The following MICU1 variants were observed in gnomAD, a reference collection of about 807,000 sequenced individuals.
The protein encoded by MICU1 is calcium uptake protein 1, mitochondrial.
A neutral mutation model predicts 56.8 loss-of-function variants in MICU1; 45 were observed. The ratio of observed to expected loss-of-function variants is 0.79; its 90% CI spans 0.62 to 1.02. The LOEUF is 1.02. Ranked by LOEUF, MICU1 falls within the 50% of genes least tolerant of loss-of-function variation. The pLI is 0.00. For missense variants in MICU1, 504 were observed against 587.1 expected, an observed-to-expected ratio of 0.86 and a Z score of 1.46; for synonymous variants, 186 against 195.1, an observed-to-expected ratio of 0.95 and a Z score of 0.39.
chr10:72,406,268 TA>T (rs1207824686), intron 10 of MICU1, among the ~76,000 whole-genome samples: 6 of 152,180 alleles, frequency 3.9e-5, no homozygotes, highest in Admixed American at 3.9e-4. Context: ...GCACAAATTT[TA>T]AAAATATATG....
chr10:72,537,039 A>C (rs1839655198), intron 4 of MICU1, among the ~76,000 whole-genome samples: 1 of 152,198 alleles, frequency 6.6e-6, no homozygotes, highest in South Asian at 2.1e-4. Flanking sequence ...TTTATATTTT[A>C]TGCTCTTCAT....
chr10:72,467,310 A>C (rs1865825064), intron 8 of MICU1, among the ~76,000 whole-genome samples: 1 of 152,134 alleles, frequency 6.6e-6, no homozygotes, highest in African/African-American at 2.4e-5. Flanking sequence ...CAGCTTCCCA[A>C]GCAGCTGGGA....
intron 4 of MICU1, among the ~76,000 whole-genome samples, chr10:72,540,742 C>T (rs1183233702): frequency 6.6e-6 from 1 of 152,190 alleles, no homozygotes; most frequent in East Asian, 1.9e-4. Context: ...TACTTCCTTC[C>T]CACTGACCTC....
At chr10:72,462,287 G>A (rs1354250503) in intron 8 of MICU1, among the ~76,000 whole-genome samples, 2 of 150,642 alleles carry the variant, frequency 1.3e-5, no homozygotes, top group Non-Finnish European at 2.9e-5. Flanking sequence ...GGCAATCACA[G>A]CTCACTGTAG....
chr10:72,614,209 A>AT (rs202112016), intron 1 of MICU1, among the ~76,000 whole-genome samples: 1 of 151,302 alleles, frequency 6.6e-6, no homozygotes, highest in Non-Finnish European at 1.5e-5. Flanking sequence ...TATTACTTAA[A>AT]TTTTAAAAAA....
Position 72,407,956 on chromosome 10 carries a change from G to A in MICU1, c.1153C>T (p.His385Tyr). ...TTATCAAGAGATGCTCCAGCCATAT[G>A]GTAAAAACTCAATGCAGTGTCCACA... is the stretch of plus-strand genomic sequence containing the variant. ...NDVDTALSFY[H>Y]MAGASLDKVT... is the part of the protein sequence containing the mutation. Residue 385 changes from histidine to tyrosine, a missense_variant, in exon 10 of 12, where the codon CAT becomes TAT. Transcript: ENST00000361114. 6.2e-7 allele frequency: 1 copy of A among 1,612,986 alleles called. No homozygotes were observed. The highest frequency in any genetic ancestry group is 1.3e-5 in the African/African-American group (1 of 75,006).
chr10:72,566,830 G>A, intron 1 of MICU1, 36 bp from the exon 2 acceptor site: 4 of 1,555,230 alleles, frequency 2.6e-6, no homozygotes, highest in Non-Finnish European at 3.5e-6. Flanking sequence ...CTCTTAGCTA[G>A]TGGTAGTTAT....
chr10:72,382,403 C>T (rs1254958947), intron 10 of MICU1, among the ~76,000 whole-genome samples: 1 of 151,992 alleles, frequency 6.6e-6, no homozygotes, highest in East Asian at 1.9e-4. Context: ...TGAGCCACCG[C>T]GCCTGGCCTG....
chr10:72,569,659 G>A (rs574144596), intron 1 of MICU1, among the ~76,000 whole-genome samples: 1 of 152,262 alleles, frequency 6.6e-6, no homozygotes, highest in South Asian at 2.1e-4. Context: ...CCTCAGAATG[G>A]TGTAAAATTT....
chr10:72,586,051 G>T (rs1460742945), intron 1 of MICU1, among the ~76,000 whole-genome samples: 12 of 92,676 alleles, frequency 1.3e-4, no homozygotes, highest in Admixed American at 1.8e-4. Context: ...GTATCGCTCT[G>T]TTGCCTGGGC....
rs557335704 is a variant in MICU1, at chr10:72,609,666, G to A, written c.-2+16344C>T. On this transcript the variant is annotated intron_variant, in intron 1 of 11. Transcript: ENST00000361114. ...GGAGAATGGTGTGAACCCAGAAGGC[G>A]GAGCTTGTAGTGAGCCGAGATCGCG... 1.2e-3 allele frequency among the ~76,000 whole-genome samples: 180 copies of A among 151,386 alleles called. 1 individual carries two copies. The highest frequency in any genetic ancestry group is 3.9e-3 in the African/African-American group (159 of 41,194).
At chr10:72,567,332 AAAAT>A (rs1840465977) in intron 1 of MICU1, among the ~76,000 whole-genome samples, 2 of 152,198 alleles carry the variant, frequency 1.3e-5, no homozygotes, top group African/African-American at 4.8e-5. Flanking sequence ...AAAAATGAAT[AAAAT>A]AAATAAAAAA....
chr10:72,554,108 A>G (rs1840102344), intron 3 of MICU1, among the ~76,000 whole-genome samples: 1 of 152,230 alleles, frequency 6.6e-6, no homozygotes, highest in African/African-American at 2.4e-5. Flanking sequence ...AATTGGATCA[A>G]AATTTGGGCA....
At chr10:72,585,688 T>C (rs1375186364) in intron 1 of MICU1, among the ~76,000 whole-genome samples, 27 of 151,958 alleles carry the variant, frequency 1.8e-4, no homozygotes, top group Admixed American at 1.8e-3. Context: ...ATTTTAAATG[T>C]TTCTGTTTAA....
At chr10:72,424,003 G>A (rs1396265959) in intron 8 of MICU1, among the ~76,000 whole-genome samples, 5 of 152,164 alleles carry the variant, frequency 3.3e-5, no homozygotes, top group South Asian at 2.1e-4. Flanking sequence ...TCAGTAAGTT[G>A]ACAGAGACCT....
At chr10:72,551,757 A>G (rs943998685) in intron 3 of MICU1, among the ~76,000 whole-genome samples, 1 of 152,130 alleles carries the variant, frequency 6.6e-6, no homozygotes, top group Non-Finnish European at 1.5e-5. Context: ...TCTATTTTTT[A>G]CAATCCTTCC....
At chr10:72,600,482 C>T (rs146496514) in intron 1 of MICU1, among the ~76,000 whole-genome samples, 1 of 151,578 alleles carries the variant, frequency 6.6e-6, no homozygotes, top group Non-Finnish European at 1.5e-5. Flanking sequence ...AACCCCATCT[C>T]TACTGAAAAT....
intron 1 of MICU1, among the ~76,000 whole-genome samples, chr10:72,572,520 C>T (rs1840636607): frequency 6.6e-6 from 1 of 151,702 alleles, no homozygotes; most frequent in South Asian, 2.1e-4. Flanking sequence ...AACAGCCACA[C>T]TCTAAAAGTA....
intron 10 of MICU1, among the ~76,000 whole-genome samples, chr10:72,404,331 G>A (rs1313149428): frequency 1.3e-5 from 2 of 152,026 alleles, no homozygotes; most frequent in Non-Finnish European, 2.9e-5. Flanking sequence ...GCTTACCTTA[G>A]AAAAGGTAAG....
Sources: gnomAD v4.1 joint callset for allele counts (sites outside exome capture counted in the v4.1 genomes callset) on GRCh38, gnomAD v4.1.1 for gene constraint, MANE v1.5 for transcripts, NCBI Gene and HGNC (gene_info 2026-07-23, HGNC 2026-07-21) for gene names.